Variants in PALLD observed in about 807,000 individuals in gnomAD.
PALLD encodes the protein palladin.
PALLD carries 61 observed loss-of-function variants against 123.5 expected under a neutral mutation model. The observed-to-expected ratio is 0.49, with a 90% confidence interval of 0.40 to 0.61. PALLD has a LOEUF of 0.61. Among genes scored for constraint, PALLD ranks in the 20% least tolerant of loss-of-function variants. The pLI, the probability that PALLD is intolerant of heterozygous loss-of-function variation, is 0.00. For missense variants in PALLD, 1,273 were observed against 1,377.0 expected, an observed-to-expected ratio of 0.92 and a Z score of 1.20; for synonymous variants, 465 against 496.4, an observed-to-expected ratio of 0.94 and a Z score of 0.84.
intron 10 of PALLD, among the ~76,000 whole-genome samples, chr4:168,888,292 A>C (rs552046842): frequency 1.3e-4 from 20 of 152,326 alleles, no homozygotes; most frequent in Admixed American, 6.5e-4. Context: ...CTAGAATAGC[A>C]GGTTTTAATC....
intron 2 of PALLD, among the ~76,000 whole-genome samples, chr4:168,619,895 C>G (rs550479793): frequency 0.021 from 3,135 of 152,248 alleles, 107 homozygotes; most frequent in African/African-American, 0.071. Context: ...CAGTGAAAAG[C>G]ATAGTTCTCC....
At chr4:168,677,151 C>T (rs151295079) in intron 3 of PALLD, among the ~76,000 whole-genome samples, 13 of 151,726 alleles carry the variant, frequency 8.6e-5, no homozygotes, top group Non-Finnish European at 1.6e-4. Context: ...TGGAGAAAGA[C>T]GTTAACCTGA....
Position 168,926,608 on chromosome 4 carries a change from A to G in PALLD, c.*428A>G. 4.5e-6 allele frequency: 2 copies of G among 448,648 alleles called. No individual in the cohort carries two copies. Among genetic ancestry groups the G allele is most frequent in the Non-Finnish European group, 7.9e-6 (2 of 252,362 alleles). The allele number at this position is 448,648 out of a possible 1,614,324, so 27.8% of individuals were successfully genotyped here. On this transcript the variant is annotated 3_prime_UTR_variant, in exon 22 of 22. Transcript: ENST00000505667. ...CACAGAAAATACACATTTACTGTCC[A>G]ATTTAAAACTTTGGAATTGCTGTGA...
rs570251119 is a variant in PALLD at position 168,673,189 on chromosome 4, C to T, written c.1087+4821C>T. On this transcript the variant is annotated intron_variant, in intron 3 of 21. Transcript: ENST00000505667. ...AACAAGCAGGCCTCTGCCATCACTG[C>T]ACGAACACTCCAGAAGGGGGGCAGA... Among the ~76,000 whole-genome samples the T allele has an allele frequency of 2.0e-5, 3 of 152,322 alleles. No individual in the cohort carries two copies. In the East Asian group the frequency reaches 5.8e-4, roughly 29 times the overall value.
chr4:168,512,593 T>C (rs1355386175), intron 2 of PALLD, among the ~76,000 whole-genome samples, 181 bp downstream of exon 2: 1 of 152,150 alleles, frequency 6.6e-6, no homozygotes, highest in African/African-American at 2.4e-5. Flanking sequence ...TGGCCTGATA[T>C]ATCTGTGGTC....
intron 9 of PALLD, among the ~76,000 whole-genome samples, chr4:168,710,422 A>G (rs1051771346): frequency 1.1e-4 from 16 of 152,174 alleles, no homozygotes. Context: ...CATAATGTAC[A>G]TAGTAGGGAA....
intron 10 of PALLD, among the ~76,000 whole-genome samples, chr4:168,881,936 A>G (rs890157723): frequency 3.9e-5 from 6 of 152,172 alleles, no homozygotes; most frequent in Non-Finnish European, 8.8e-5. Flanking sequence ...TGAAGGGTGA[A>G]TCAGATCAGA....
intron 16 of PALLD, among the ~76,000 whole-genome samples, chr4:168,915,304 T>TCTCTGGCAA (rs1430131608): frequency 1.3e-5 from 2 of 152,218 alleles, no homozygotes; most frequent in African/African-American, 4.8e-5. Context: ...CTTAAAGGTT[T>TCTCTGGCAA]CTCTGGCAAC....
chr4:168,635,582 T>C (rs746722490), intron 2 of PALLD, among the ~76,000 whole-genome samples: 2 of 152,226 alleles, frequency 1.3e-5, no homozygotes, highest in Non-Finnish European at 2.9e-5. Context: ...TTACAAGCTA[T>C]CAGATAGCCA....
At position 168,914,018 on chromosome 4, in the gene PALLD, G is replaced by C. The variant is rs1759594857; in HGVS notation, c.2714G>C (p.Arg905Thr). 6.3e-7 allele frequency: 1 copy of C among 1,579,182 alleles called. No individual in the cohort carries two copies. Among genetic ancestry groups the C allele is most frequent in the African/African-American group, 1.3e-5 (1 of 74,154 alleles). The change falls in exon 16 of 22, where the codon AGA (arginine) becomes ACA (threonine). Residue 905 changes from arginine (R) to threonine (T), a missense_variant. Arg to Thr is a moderately conservative substitution (Grantham distance 71). Transcript: ENST00000505667. Reference sequence around the variant, plus strand: ...TCTCCCTCAGGCCATCCTCATGTCAGAAGGTATTTAACATGTTCCTTCCCA... The same window carrying C: ...TCTCCCTCAGGCCATCCTCATGTCACAAGGTATTTAACATGTTCCTTCCCA... ...PRSPSGHPHVRRPRSRSRDSG... is the reference protein window; with the variant it reads ...PRSPSGHPHVTRPRSRSRDSG...
intron 10 of PALLD, among the ~76,000 whole-genome samples, chr4:168,762,969 G>A (rs796140561): frequency 3.3e-5 from 5 of 152,226 alleles, no homozygotes; most frequent in African/African-American, 1.2e-4. Flanking sequence ...AGTGGGAGTT[G>A]AACAATGAGA....
intron 10 of PALLD, among the ~76,000 whole-genome samples, chr4:168,761,641 GTTTGTTTTTTTT>G (rs1330850237): frequency 0.046 from 535 of 11,616 alleles, 5 homozygotes; most frequent in African/African-American, 0.11. Context: ...TGTTGTTGTT[GTTTGTTTTTTTT>G]TTTTTTTTTT....
intron 2 of PALLD, among the ~76,000 whole-genome samples, chr4:168,594,686 A>T (rs1771804554): frequency 6.6e-6 from 1 of 152,168 alleles, no homozygotes; most frequent in Admixed American, 6.5e-5. Context: ...CAAAGATATT[A>T]TATACAGATG....
At chr4:168,850,008 C>CAGA (rs1747512732) in intron 10 of PALLD, among the ~76,000 whole-genome samples, 1 of 152,160 alleles carries the variant, frequency 6.6e-6, no homozygotes, top group African/African-American at 2.4e-5. Flanking sequence ...AACTCCTATC[C>CAGA]AGTTTTTCAG....
intron 10 of PALLD, among the ~76,000 whole-genome samples, chr4:168,773,419 A>G (rs559851305): frequency 6.6e-6 from 1 of 152,284 alleles, no homozygotes; most frequent in South Asian, 2.1e-4. Flanking sequence ...TTATTTAATC[A>G]TGAAGATTTA....
At chr4:168,825,695 G>T (rs1351061275) in intron 10 of PALLD, among the ~76,000 whole-genome samples, 1 of 151,948 alleles carries the variant, frequency 6.6e-6, no homozygotes, top group African/African-American at 2.4e-5. Flanking sequence ...AAACGGCGCT[G>T]CAACACCCTA....
intron 10 of PALLD, among the ~76,000 whole-genome samples, chr4:168,830,439 A>G (rs1317707953): frequency 6.6e-6 from 1 of 151,942 alleles, no homozygotes; most frequent in African/African-American, 2.4e-5. Context: ...CTGAGGTGGG[A>G]GGATCACTTG....
intron 2 of PALLD, among the ~76,000 whole-genome samples, chr4:168,649,059 A>G (rs112426365): frequency 3.9e-5 from 6 of 152,248 alleles, no homozygotes; most frequent in African/African-American, 1.2e-4. Context: ...GATAAAAAGC[A>G]TCCTGTTCTT....
chr4:168,611,605 C>T (rs1773734779), intron 2 of PALLD, among the ~76,000 whole-genome samples: 1 of 152,210 alleles, frequency 6.6e-6, no homozygotes, highest in Non-Finnish European at 1.5e-5. Flanking sequence ...TCCTTGAAGA[C>T]TTATTCTATG....
Sources: allele counts gnomAD v4.1 joint callset (sites outside exome capture counted in the v4.1 genomes callset), GRCh38; gene constraint gnomAD v4.1.1; transcripts MANE v1.5; gene names NCBI Gene and HGNC (gene_info 2026-07-23, HGNC 2026-07-21).